COL19A1: variants seen among roughly 807,000 people sequenced by gnomAD.
The protein encoded by COL19A1 is collagen alpha-1(XIX) chain.
A neutral mutation model predicts 190.2 loss-of-function variants in COL19A1; 159 were observed. That is an observed-to-expected ratio of 0.84 (90% CI 0.73 to 0.95). The LOEUF is 0.95. Among genes scored for constraint, COL19A1 ranks in the 40% least tolerant of loss-of-function variants. The pLI is 0.00. For missense variants in COL19A1, 1,418 were observed against 1,431.9 expected (o/e 0.99, Z 0.16); for synonymous variants, 509 against 458.9 (o/e 1.11, Z -1.39).
At chr6:69,997,026 T>TATATATAGAG (rs576813975) in intron 11 of COL19A1, among the ~76,000 whole-genome samples, 135 of 146,964 alleles carry the variant, frequency 9.2e-4, no homozygotes, top group African/African-American at 3.2e-3. Flanking sequence ...TATATATATA[T>TATATATAGAG]AGAGAGAGAG....
At chr6:69,990,672 T>A (rs1333464231) in intron 11 of COL19A1, among the ~76,000 whole-genome samples, 7 of 152,036 alleles carry the variant, frequency 4.6e-5, no homozygotes, top group Non-Finnish European at 8.8e-5. Context: ...CTGTGTTTCC[T>A]TTAAAGGGTG....
At chr6:69,956,223 A>G (rs1774411731) in intron 9 of COL19A1, among the ~76,000 whole-genome samples, 1 of 151,994 alleles carries the variant, frequency 6.6e-6, no homozygotes, top group Non-Finnish European at 1.5e-5. Context: ...GTATTGACCC[A>G]TAAGAATAAA....
intron 1 of COL19A1, among the ~76,000 whole-genome samples, chr6:69,873,608 T>C (rs1429663002): frequency 1.3e-5 from 2 of 152,234 alleles, no homozygotes; most frequent in African/African-American, 4.8e-5. Context: ...AAGCATATTA[T>C]TTTTTATGAG....
At chr6:69,916,767 C>G (rs936599002) in intron 4 of COL19A1, among the ~76,000 whole-genome samples, 2 of 151,966 alleles carry the variant, frequency 1.3e-5, no homozygotes, top group East Asian at 3.9e-4. Context: ...ACATTTTTCC[C>G]CTCATAGTGC....
At chr6:69,979,988 A>G (rs1330825494) in intron 11 of COL19A1, among the ~76,000 whole-genome samples, 1 of 152,034 alleles carries the variant, frequency 6.6e-6, no homozygotes, top group Admixed American at 6.6e-5. Context: ...GTAATTCAAA[A>G]TTAATACGTA....
intron 23 of COL19A1, among the ~76,000 whole-genome samples, chr6:70,143,972 G>A (rs543414713): frequency 7.4e-4 from 113 of 152,134 alleles, no homozygotes; most frequent in African/African-American, 2.7e-3. Flanking sequence ...TGAGACGTTC[G>A]GTTCAATTCG....
chr6:69,981,551 A>G (rs535928454), intron 11 of COL19A1, among the ~76,000 whole-genome samples: 1 of 152,224 alleles, frequency 6.6e-6, no homozygotes, highest in African/African-American at 2.4e-5. Flanking sequence ...AAAGTTAATA[A>G]CAAAAGTCTG....
chr6:70,088,649 C>G (rs1782727892), intron 15 of COL19A1, among the ~76,000 whole-genome samples: 1 of 151,942 alleles, frequency 6.6e-6, no homozygotes, highest in South Asian at 2.1e-4. Context: ...TTTTGTGGAT[C>G]TATTTAAATA....
chr6:70,178,357 C>T (rs1469808047), intron 42 of COL19A1, among the ~76,000 whole-genome samples: 4 of 152,088 alleles, frequency 2.6e-5, no homozygotes, highest in South Asian at 2.1e-4. Flanking sequence ...AACTGGGCAA[C>T]AGAGCAAGAC....
In COL19A1 at chr6:70,211,790, A is replaced by G. The variant is rs1583178403; in HGVS notation, c.*4516A>G. 6.6e-6 allele frequency among the ~76,000 whole-genome samples: 1 copy of G among 152,054 alleles called. No individual in the cohort carries two copies. The highest frequency in any genetic ancestry group is 1.9e-4 in the East Asian group (1 of 5,196). ...TAACTGATCAATTTGGTTAAATTGA[A>G]TGAAGAACCAAGTGAACACAGAGAA... On this transcript the variant is annotated 3_prime_UTR_variant, in exon 51 of 51. Coordinates refer to ENST00000620364, the MANE Select transcript of COL19A1 (RefSeq NM_001858.6).
chr6:70,202,474 T>C (rs1767611628), intron 49 of COL19A1, among the ~76,000 whole-genome samples: 1 of 152,224 alleles, frequency 6.6e-6, no homozygotes, highest in Non-Finnish European at 1.5e-5. Context: ...ATATATATCA[T>C]CTTAAATATT....
chr6:70,184,803 T>C, intron 45 of COL19A1, 65 bp downstream of exon 45: 1 of 1,605,660 alleles, frequency 6.2e-7, no homozygotes, highest in East Asian at 2.2e-5. Flanking sequence ...CCTACCAACA[T>C]TTACATCAAT....
chr6:70,060,121 C>T (rs1043069926), intron 14 of COL19A1, among the ~76,000 whole-genome samples: 1 of 152,114 alleles, frequency 6.6e-6, no homozygotes, highest in African/African-American at 2.4e-5. Context: ...CAATTTTTCT[C>T]ATAGACATCA....
intron 11 of COL19A1, among the ~76,000 whole-genome samples, chr6:69,994,048 T>A (rs1185058883): frequency 6.6e-6 from 1 of 152,030 alleles, no homozygotes; most frequent in Non-Finnish European, 1.5e-5. Flanking sequence ...TGATGTTTGT[T>A]TGTTAATTTG....
chr6:70,007,953 A>G (rs1250660365), intron 11 of COL19A1, among the ~76,000 whole-genome samples: 1 of 151,964 alleles, frequency 6.6e-6, no homozygotes, highest in African/African-American at 2.4e-5. Flanking sequence ...TTCAAAATGA[A>G]AAAATATGAT....
intron 15 of COL19A1, among the ~76,000 whole-genome samples, chr6:70,086,086 C>A (rs1040646854): frequency 5.3e-5 from 8 of 152,090 alleles, no homozygotes; most frequent in Non-Finnish European, 1.0e-4. Context: ...CAACACTAGA[C>A]CCCAGTATAC....
In COL19A1 at chr6:70,172,071, C is replaced by T; in HGVS notation, c.2622+54C>T. 9.6e-6 allele frequency: 15 copies of T among 1,555,658 alleles called. No individual in the cohort carries two copies. The South Asian group carries it at 1.6e-4, about 17-fold the overall frequency. On this transcript the variant is annotated intron_variant, in intron 41 of 50. Transcript: ENST00000620364. ...TTTATTCAACATTCAAAATTGTTTACTGAGCACCTAATGTGCCAAAAACTG... is the reference window on the plus strand; with the variant it reads ...TTTATTCAACATTCAAAATTGTTTATTGAGCACCTAATGTGCCAAAAACTG...
At chr6:70,072,200 G>A (rs114348389) in intron 15 of COL19A1, among the ~76,000 whole-genome samples, 4,067 of 152,176 alleles carry the variant, frequency 0.027, 187 homozygotes, top group African/African-American at 0.089. Context: ...TAAGATGTAG[G>A]TTCCTTGCAG....
At chr6:69,921,443 A>ATATATAT (rs1249566111) in intron 4 of COL19A1, among the ~76,000 whole-genome samples, 2 of 90,038 alleles carry the variant, frequency 2.2e-5, no homozygotes, top group African/African-American at 1.3e-4. Flanking sequence ...TATCATATAT[A>ATATATAT]TCATATATCA....
Sources: gnomAD v4.1 joint callset for allele counts (sites outside exome capture counted in the v4.1 genomes callset) on GRCh38, gnomAD v4.1.1 for gene constraint, MANE v1.5 for transcripts, NCBI Gene and HGNC (gene_info 2026-07-23, HGNC 2026-07-21) for gene names.